SYCP2: variants seen among roughly 807,000 people sequenced by gnomAD.
SYCP2 encodes synaptonemal complex lateral element protein.
A neutral mutation model predicts 211.3 loss-of-function variants in SYCP2; 55 were observed. The observed-to-expected ratio is 0.26, with a 90% confidence interval of 0.21 to 0.33. The LOEUF is 0.33. SYCP2 is among the 10% of genes least tolerant of loss of function. The pLI is 1.00. For synonymous variants in SYCP2, 570 were observed against 555.2 expected (o/e 1.03, Z -0.37); for missense variants, 1,731 against 1,752.0 (o/e 0.99, Z 0.21).
chr20:59,922,647 G>C (rs529359717), intron 2 of SYCP2, among the ~76,000 whole-genome samples, 188 bp from the exon 3 acceptor site: 4 of 151,806 alleles, frequency 2.6e-5, no homozygotes, highest in African/African-American at 9.6e-5. Flanking sequence ...AGAAAAGCCT[G>C]AAGATCATTT....
intron 24 of SYCP2, among the ~76,000 whole-genome samples, chr20:59,891,617 C>G (rs1466519574): frequency 6.6e-6 from 1 of 151,586 alleles, no homozygotes; most frequent in Non-Finnish European, 1.5e-5. Flanking sequence ...TTGAATAAAA[C>G]AGTCTATGGT....
In SYCP2 at chr20:59,880,136, G is replaced by T. The variant is rs1407145952; in HGVS notation, c.2941+167C>A. On this transcript the variant is annotated intron_variant, in intron 31 of 44. Transcript: ENST00000357552. The stretch of plus-strand genomic sequence containing the variant: ...GGTCCTATTAAAAATAAATATAACC[G>T]TATTACTAAAATAAAACAAAAAACA... 2.0e-5 allele frequency among the ~76,000 whole-genome samples: 3 copies of T among 150,922 alleles called. 1 individual carries two copies. Among genetic ancestry groups the T allele is most frequent in the Non-Finnish European group, 4.4e-5 (3 of 67,506 alleles).
rs550908286 is a variant in SYCP2, at chr20:59,925,634, CAA to C, written c.-46-3177_-46-3176del. On this transcript the variant is annotated intron_variant, in intron 2 of 44. Transcript: ENST00000357552. ...GTCATAGCCTCTGACCTTCCACCTT[CAA>C]AAGAGTCTATAACTCTGACCAGTTG... Among the ~76,000 whole-genome samples, 138 of 152,018 alleles carry C rather than the reference CAA, an allele frequency of 9.1e-4. 2 individuals carry two copies. Among genetic ancestry groups the C allele is most frequent in the Admixed American group, 6.4e-3 (97 of 15,272 alleles).
chr20:59,900,226 T>C lies in SYCP2; in HGVS notation c.1316A>G (p.Glu439Gly). Residue 439 changes from glutamate (E) to glycine (G), a missense_variant, in exon 18 of 45, where the codon GAA becomes GGA. Around this residue, in one of 3 missense-constraint regions of SYCP2, gnomAD observed 1,387 missense variants for 1,351.3 expected, o/e 1.03. Transcript: ENST00000357552. ...PVGEELVSLK[E>G]KSKSPKEFAK... ...AAATTCCTTTGGGGACTTTGATTTT[T>C]CCTTTAAACTAACGAGCTCTTCTCC... 1 of 1,613,136 alleles carries C rather than the reference T, an allele frequency of 6.2e-7. No individual in the cohort carries two copies. Among genetic ancestry groups the C allele is most frequent in the Non-Finnish European group, 8.5e-7 (1 of 1,179,630 alleles).
intron 31 of SYCP2, 127 bp downstream of exon 31, chr20:59,880,176 T>C: frequency 1.4e-6 from 1 of 713,814 alleles, no homozygotes; most frequent in Non-Finnish European, 2.2e-6. Flanking sequence ...AACTAGTGTT[T>C]TGTCCTATCC....
intron 30 of SYCP2, 117 bp downstream of exon 30, chr20:59,880,849 T>C: frequency 5.8e-6 from 3 of 518,944 alleles, no homozygotes; most frequent in South Asian, 3.4e-5. Context: ...GGAAGGTGGA[T>C]AGTTGCATAA....
chr20:59,909,178 A>C (rs1468551757), intron 14 of SYCP2, among the ~76,000 whole-genome samples: 1 of 152,164 alleles, frequency 6.6e-6, no homozygotes, highest in Non-Finnish European at 1.5e-5. Flanking sequence ...TATCCTGTAG[A>C]AATTTGTTTT....
At chr20:59,895,659 C>T in intron 19 of SYCP2, 62 bp from the exon 20 acceptor site, 1 of 1,567,266 alleles carries the variant, frequency 6.4e-7, no homozygotes, top group South Asian at 1.2e-5. Flanking sequence ...TATTGAGGTA[C>T]TTTTCCAATG....
At chr20:59,903,835 G>A (rs1378350880) in intron 15 of SYCP2, among the ~76,000 whole-genome samples, 1 of 152,146 alleles carries the variant, frequency 6.6e-6, no homozygotes, top group Admixed American at 6.5e-5. Flanking sequence ...AAGTAGCAGT[G>A]AGAGTCCAAA....
chr20:59,894,905 T>C (rs73309249), intron 20 of SYCP2, among the ~76,000 whole-genome samples: 5,239 of 152,194 alleles, frequency 0.034, 255 homozygotes, highest in African/African-American at 0.11. Context: ...TGACTCTTTA[T>C]TGACCTTTCA....
rs115266003 is a variant in SYCP2 at position 59,928,230 on chromosome 20, T to G, written c.-47+3832A>C. 5.9e-3 allele frequency among the ~76,000 whole-genome samples: 895 copies of G among 152,332 alleles called. 12 individuals are homozygous for G. The highest frequency in any genetic ancestry group is 0.021 in the African/African-American group (869 of 41,578). On this transcript the variant is annotated intron_variant, in intron 2 of 44. Transcript: ENST00000357552. Reference sequence around the variant, plus strand: ...CGAGGCTCAACATAAATATCTACAGTGTTCCTTTTTATATTAGCAATAATC... The same window carrying G: ...CGAGGCTCAACATAAATATCTACAGGGTTCCTTTTTATATTAGCAATAATC...
At chr20:59,885,578 C>A (rs1222070885) in intron 26 of SYCP2, among the ~76,000 whole-genome samples, 2 of 151,408 alleles carry the variant, frequency 1.3e-5, no homozygotes, top group Admixed American at 1.3e-4. Flanking sequence ...TTTTTTTAAA[C>A]AAAATTGGAA....
chr20:59,913,274 T>G (rs1280347941), intron 12 of SYCP2, among the ~76,000 whole-genome samples: 2 of 152,156 alleles, frequency 1.3e-5, no homozygotes, highest in Non-Finnish European at 2.9e-5. Flanking sequence ...GCATGTAAGG[T>G]TAAATAATTT....
intron 15 of SYCP2, among the ~76,000 whole-genome samples, chr20:59,906,394 A>G (rs923782513): frequency 1.3e-5 from 2 of 152,266 alleles, no homozygotes; most frequent in Admixed American, 1.3e-4. Context: ...CAAGAAATAG[A>G]CACACTATTA....
intron 18 of SYCP2, among the ~76,000 whole-genome samples, chr20:59,899,253 GGCTGAAATAAA>G (rs2060070183): frequency 6.6e-6 from 1 of 152,058 alleles, no homozygotes; most frequent in Non-Finnish European, 1.5e-5. Flanking sequence ...GGGGAGAAGA[GGCTGAAATAAA>G]GCATATTGCC....
intron 43 of SYCP2, 34 bp from the exon 44 acceptor site, chr20:59,865,478 T>C: frequency 6.3e-7 from 1 of 1,595,688 alleles, no homozygotes; most frequent in Non-Finnish European, 8.5e-7. Flanking sequence ...ACCCATGAAA[T>C]TTACCATAAA....
chr20:59,891,923 T>G, intron 24 of SYCP2, 67 bp downstream of exon 24: 1 of 1,356,406 alleles, frequency 7.4e-7, no homozygotes, highest in South Asian at 1.5e-5. Context: ...TCAAGTTTCT[T>G]TCTTTCTTAT....
intron 5 of SYCP2, among the ~76,000 whole-genome samples, chr20:59,920,036 T>A (rs2060512139): frequency 6.6e-6 from 1 of 151,478 alleles, no homozygotes; most frequent in Non-Finnish European, 1.5e-5. Context: ...GAGACAAAAA[T>A]CAATACCCTA....
chr20:59,888,218 T>C (rs1190575348), intron 24 of SYCP2, among the ~76,000 whole-genome samples: 3 of 151,824 alleles, frequency 2.0e-5, no homozygotes, highest in Non-Finnish European at 2.9e-5. Context: ...CAAACCAGTA[T>C]CTCCCATAAA....
Sources: allele counts gnomAD v4.1 joint callset (sites outside exome capture counted in the v4.1 genomes callset), GRCh38; gene constraint gnomAD v4.1.1; regional missense constraint gnomAD v4.1.1; transcripts MANE v1.5; gene names NCBI Gene and HGNC (gene_info 2026-07-23, HGNC 2026-07-21).